Variants in NAV3 observed in about 807,000 individuals in gnomAD.
NAV3 encodes the protein pore membrane and/or filament interacting like protein 1.
A neutral mutation model predicts 244.7 loss-of-function variants in NAV3; 87 were observed. The ratio of observed to expected loss-of-function variants is 0.36; its 90% CI spans 0.30 to 0.42. The LOEUF (loss-of-function observed/expected upper bound fraction) is 0.42. Among genes scored for constraint, NAV3 ranks in the 20% least tolerant of loss-of-function variants. The pLI is 1.00. For missense variants in NAV3, 2,663 were observed against 2,893.3 expected (o/e 0.92, Z 1.83); for synonymous variants, 1,126 against 1,042.2 (o/e 1.08, Z -1.55).
At chr12:77,622,454 C>T (rs759701752) in intron 2 of NAV3, among the ~76,000 whole-genome samples, 2 of 151,870 alleles carry the variant, frequency 1.3e-5, no homozygotes, top group African/African-American at 2.4e-5. Flanking sequence ...ACACCGCACC[C>T]GGCCCCCAAG....
At chr12:77,995,017 T>C (rs915902406) in intron 6 of NAV3, 146 bp downstream of exon 6, 4 of 576,814 alleles carry the variant, frequency 6.9e-6, no homozygotes, top group Non-Finnish European at 1.2e-5. Context: ...TTTTCACACA[T>C]AGCCTCAGGG....
rs752979960 is a variant in NAV3 at position 78,014,132 on chromosome 12, G to T, written c.1907+6687G>T. On this transcript the variant is annotated intron_variant, in intron 8 of 39. Coordinates refer to ENST00000397909, the MANE Select transcript of NAV3 (RefSeq NM_001024383.2). The stretch of plus-strand genomic sequence containing the variant: ...AATATAATAATTGGTTAATTACAGA[G>T]AAAAGGGAGACCTGTGTGTTTTCCC... Among the ~76,000 whole-genome samples, 41 of 152,158 alleles carry T rather than the reference G, an allele frequency of 2.7e-4. 1 individual carries two copies. The highest frequency in any genetic ancestry group is 5.0e-4 in the Non-Finnish European group (34 of 67,984).
At chr12:77,611,176 T>G (rs543871927) in intron 2 of NAV3, among the ~76,000 whole-genome samples, 2 of 152,124 alleles carry the variant, frequency 1.3e-5, no homozygotes, top group East Asian at 3.9e-4. Flanking sequence ...CAAAATTATG[T>G]TAACTAGGGC....
intron 19 of NAV3, 57 bp from the exon 20 acceptor site, chr12:78,140,225 G>A (rs1956547902): frequency 6.8e-7 from 1 of 1,465,992 alleles, no homozygotes; most frequent in Admixed American, 1.7e-5. Context: ...TGTAAAGGCT[G>A]GAATTTTTGA....
At chr12:78,054,443 A>G (rs1443377040) in intron 11 of NAV3, among the ~76,000 whole-genome samples, 3 of 152,210 alleles carry the variant, frequency 2.0e-5, no homozygotes, top group Non-Finnish European at 4.4e-5. Context: ...GTAAAATACT[A>G]TATCTTAGAG....
intron 12 of NAV3, among the ~76,000 whole-genome samples, chr12:78,068,650 A>G (rs1952602111): frequency 2.7e-5 from 4 of 147,678 alleles, no homozygotes; most frequent in East Asian, 2.0e-4. Flanking sequence ...TATATAATTT[A>G]TAATACATAT....
intron 38 of NAV3, among the ~76,000 whole-genome samples, chr12:78,202,390 C>T (rs1959805229): frequency 6.6e-6 from 1 of 151,900 alleles, no homozygotes; most frequent in Non-Finnish European, 1.5e-5. Flanking sequence ...TAATAGAAAG[C>T]AAAGGAATCT....
chr12:77,806,175 C>T (rs1245611687), intron 2 of NAV3, among the ~76,000 whole-genome samples: 1 of 152,126 alleles, frequency 6.6e-6, no homozygotes, highest in Non-Finnish European at 1.5e-5. Context: ...TTCAGTTCTG[C>T]TCTGATCTTC....
chr12:77,609,612 G>A (rs552719180), intron 2 of NAV3, among the ~76,000 whole-genome samples: 59 of 152,144 alleles, frequency 3.9e-4, no homozygotes, highest in African/African-American at 1.4e-3. Flanking sequence ...ATAAGTTAGA[G>A]ATGGGGCCTG....
intron 22 of NAV3, among the ~76,000 whole-genome samples, chr12:78,152,887 C>A (rs935793478): frequency 4.0e-5 from 6 of 151,698 alleles, no homozygotes; most frequent in African/African-American, 1.5e-4. Context: ...GAGTGCAGCC[C>A]CCACAGTGAG....
chr12:77,612,483 C>A (rs777294610), intron 2 of NAV3, among the ~76,000 whole-genome samples: 19 of 152,198 alleles, frequency 1.2e-4, no homozygotes, highest in Admixed American at 2.6e-4. Flanking sequence ...TCCTTACACA[C>A]CCTGGAGGTG....
chr12:77,740,363 A>G (rs1182011935), intron 2 of NAV3, among the ~76,000 whole-genome samples: 1 of 152,150 alleles, frequency 6.6e-6, no homozygotes, highest in Non-Finnish European at 1.5e-5. Context: ...ATAAGATGAT[A>G]TGCAACAGAG....
intron 3 of NAV3, among the ~76,000 whole-genome samples, chr12:77,948,384 T>C (rs1245087355): frequency 1.3e-5 from 2 of 151,938 alleles, no homozygotes; most frequent in Non-Finnish European, 2.9e-5. Flanking sequence ...AGAAATAATT[T>C]TTAAGGACAT....
In NAV3 at chr12:77,988,807, A is replaced by C. The variant is rs576925988; in HGVS notation, c.672-5996A>C. On this transcript the variant is annotated intron_variant, in intron 5 of 39. Transcript: ENST00000397909. ...TCTACATGTCACCTGTGTCTGTTTT[A>C]CTAGGACTCGGCAAGTTGGCTGTGC... Among the ~76,000 whole-genome samples, 7 of 152,248 alleles carry C rather than the reference A, an allele frequency of 4.6e-5. No homozygotes were observed. In the South Asian group the frequency reaches 1.4e-3, roughly 32 times the overall value.
intron 1 of NAV3, among the ~76,000 whole-genome samples, chr12:77,864,693 A>G (rs1879752107): frequency 2.0e-5 from 3 of 151,962 alleles, no homozygotes; most frequent in Admixed American, 1.3e-4. Context: ...CATGCATCAT[A>G]TTGCCCAGTT....
At chr12:77,710,670 T>C (rs950989436) in intron 2 of NAV3, among the ~76,000 whole-genome samples, 3 of 152,162 alleles carry the variant, frequency 2.0e-5, no homozygotes, top group Admixed American at 2.0e-4. Flanking sequence ...AACTAAGTCA[T>C]GGAAGAGTAT....
At chr12:77,714,325 C>T (rs1876259433) in intron 2 of NAV3, among the ~76,000 whole-genome samples, 1 of 152,058 alleles carries the variant, frequency 6.6e-6, no homozygotes, top group African/African-American at 2.4e-5. Context: ...TACAAAATTC[C>T]TCAGTTCAGG....
chr12:77,863,405 G>A (rs1250697742), intron 1 of NAV3, among the ~76,000 whole-genome samples: 1 of 151,708 alleles, frequency 6.6e-6, no homozygotes, highest in Admixed American at 6.6e-5. Flanking sequence ...TGGTCACTTA[G>A]TATTTCCATC....
Position 78,191,719 on chromosome 12 carries a change from T to A in NAV3, c.6291+1500T>A, listed in dbSNP as rs150307498. On this transcript the variant is annotated intron_variant, in intron 34 of 39. Transcript: ENST00000397909. ...TGTTTGCTTCAGCTGACATGTTTAA[T>A]GCTTCCTGTGAATTCTGTCTCCTCA... is the stretch of plus-strand genomic sequence containing the variant. Among the ~76,000 whole-genome samples, 6 of 152,282 alleles carry A rather than the reference T, an allele frequency of 3.9e-5. No homozygotes were observed. The East Asian group carries it at 9.7e-4, about 25-fold the overall frequency.
Sources: gnomAD v4.1 joint callset for allele counts (sites outside exome capture counted in the v4.1 genomes callset) on GRCh38, gnomAD v4.1.1 for gene constraint, MANE v1.5 for transcripts, NCBI Gene and HGNC (gene_info 2026-07-23, HGNC 2026-07-21) for gene names.